SSBP2: variants seen among roughly 807,000 people sequenced by gnomAD.
SSBP2 encodes single-stranded DNA-binding protein 2.
Under a neutral mutation model 61.8 loss-of-function variants are expected in SSBP2, and 17 were observed. The observed-to-expected ratio is 0.28, with a 90% CI of 0.19 to 0.41. The LOEUF (loss-of-function observed/expected upper bound fraction) is 0.41. Among genes scored for constraint, SSBP2 ranks in the 10% least tolerant of loss-of-function variants. SSBP2 has a pLI of 1.00. For synonymous variants in SSBP2, 139 were observed against 141.3 expected, an observed-to-expected ratio of 0.98 and a Z score of 0.12; for missense variants, 310 against 458.7, an observed-to-expected ratio of 0.68 and a Z score of 2.96.
At chr5:81,689,481 C>T (rs984153197) in intron 1 of SSBP2, among the ~76,000 whole-genome samples, 1 of 151,090 alleles carries the variant, frequency 6.6e-6, no homozygotes, top group Non-Finnish European at 1.5e-5. Context: ...AAAAGAGAAA[C>T]AAATAACATA....
intron 4 of SSBP2, among the ~76,000 whole-genome samples, chr5:81,574,333 A>G (rs1182457077): frequency 6.6e-6 from 1 of 152,160 alleles, no homozygotes. Context: ...AACTGAAAAA[A>G]AATAATGGGC....
chr5:81,417,598 G>C lies in SSBP2; in HGVS notation c.*2906C>G, dbSNP rs1761364101. ...GCATTGATAAAGATGGAAAACACAA[G>C]AGAAAAACATTAAATAGTCTTATTA... On this transcript the variant is annotated 3_prime_UTR_variant, in exon 17 of 17. Transcript: ENST00000320672. 1 of 152,068 alleles carries C rather than the reference G, an allele frequency of 6.6e-6. No individual in the cohort carries two copies. The highest frequency in any genetic ancestry group is 6.5e-5 in the Admixed American group (1 of 15,270). The allele number at this position is 152,068 out of a possible 1,614,324, so 9.4% of individuals were successfully genotyped here.
chr5:81,739,736 TAAC>T (rs1195049296), intron 1 of SSBP2, among the ~76,000 whole-genome samples: 3 of 152,192 alleles, frequency 2.0e-5, no homozygotes, highest in Non-Finnish European at 2.9e-5. Context: ...ATAAAATAGT[TAAC>T]AAGTTTTAAA....
At chr5:81,607,658 AT>A (rs955932789) in intron 4 of SSBP2, among the ~76,000 whole-genome samples, 2 of 151,970 alleles carry the variant, frequency 1.3e-5, no homozygotes, top group Admixed American at 6.6e-5. Context: ...AGTCCATTTA[AT>A]TTTTTTTCCT....
At chr5:81,699,259 G>T (rs1275726640) in intron 1 of SSBP2, among the ~76,000 whole-genome samples, 1 of 152,212 alleles carries the variant, frequency 6.6e-6, no homozygotes, top group Non-Finnish European at 1.5e-5. Context: ...GGTGGCTGTG[G>T]CAAATAAGAC....
At chr5:81,624,968 C>T (rs1746991701) in intron 3 of SSBP2, among the ~76,000 whole-genome samples, 1 of 151,996 alleles carries the variant, frequency 6.6e-6, no homozygotes, top group Admixed American at 6.6e-5. Flanking sequence ...GACTATTGGT[C>T]CAAAACTAGT....
rs1032259103 is a variant in SSBP2 at position 81,419,166 on chromosome 5, C to T, written c.*1338G>A. ...AGGGAATTAGATTAAAAAAAATTTACTTATTCTTTTTTGAACAGTCAGTTA... is the reference window on the plus strand; with the variant it reads ...AGGGAATTAGATTAAAAAAAATTTATTTATTCTTTTTTGAACAGTCAGTTA... On this transcript the variant is annotated 3_prime_UTR_variant, in exon 17 of 17. Transcript: ENST00000320672. 3 of 152,202 alleles carry T rather than the reference C, an allele frequency of 2.0e-5. No individual in the cohort carries two copies. Among genetic ancestry groups the T allele is most frequent in the Admixed American group, 2.0e-4 (3 of 15,280 alleles). 9.4% of individuals were successfully genotyped at this position (152,202 alleles called of 1,614,324 possible).
At chr5:81,712,362 A>AG (rs141328482) in intron 1 of SSBP2, among the ~76,000 whole-genome samples, 5 of 49,452 alleles carry the variant, frequency 1.0e-4, no homozygotes, top group South Asian at 1.3e-3. Context: ...TAAAGATTAC[A>AG]AGGCCGAGGC....
At chr5:81,749,758 A>G (rs928718637) in intron 1 of SSBP2, among the ~76,000 whole-genome samples, 4 of 152,160 alleles carry the variant, frequency 2.6e-5, no homozygotes, top group African/African-American at 9.6e-5. Flanking sequence ...CAAGTACACA[A>G]GAATAGCAGC....
At chr5:81,501,844 T>C (rs1242508324) in intron 5 of SSBP2, among the ~76,000 whole-genome samples, 1 of 152,076 alleles carries the variant, frequency 6.6e-6, no homozygotes, top group Non-Finnish European at 1.5e-5. Context: ...ATTACAGACG[T>C]GAGCCACTGC....
Position 81,555,069 on chromosome 5 carries a change from G to A in SSBP2, c.283-41352C>T, listed in dbSNP as rs187552996. On this transcript the variant is annotated intron_variant, in intron 4 of 16. Transcript: ENST00000320672. ...AGTACTTCACTCAATATTGCTTTCTGTAATTTCTGATTATTTTTGACCAAA... is the reference window on the plus strand; with the variant it reads ...AGTACTTCACTCAATATTGCTTTCTATAATTTCTGATTATTTTTGACCAAA... 4.5e-3 allele frequency among the ~76,000 whole-genome samples: 683 copies of A among 152,108 alleles called. 2 individuals carry two copies. Among genetic ancestry groups the A allele is most frequent in the South Asian group, 6.6e-3 (32 of 4,830 alleles).
intron 1 of SSBP2, among the ~76,000 whole-genome samples, chr5:81,661,207 G>A (rs1414189848): frequency 1.3e-5 from 2 of 152,086 alleles, no homozygotes; most frequent in Non-Finnish European, 2.9e-5. Context: ...CTTGTTAAAG[G>A]TTGAATAGTA....
intron 4 of SSBP2, among the ~76,000 whole-genome samples, chr5:81,525,545 GACTTCC>G (rs940506111): frequency 6.6e-6 from 1 of 151,960 alleles, no homozygotes; most frequent in Non-Finnish European, 1.5e-5. Flanking sequence ...TCTGCCACTG[GACTTCC>G]ATTTCCACTG....
intron 1 of SSBP2, among the ~76,000 whole-genome samples, chr5:81,662,589 G>C (rs1159102658): frequency 2.6e-5 from 4 of 152,054 alleles, no homozygotes; most frequent in African/African-American, 9.7e-5. Context: ...GAATCACGAG[G>C]TCAGGAGTTC....
intron 5 of SSBP2, among the ~76,000 whole-genome samples, chr5:81,511,667 G>C (rs1768618752): frequency 1.3e-5 from 2 of 152,152 alleles, no homozygotes. Flanking sequence ...AACTCAGGCA[G>C]ATTTAATGGC....
chr5:81,481,402 A>T (rs1765976204), intron 6 of SSBP2, among the ~76,000 whole-genome samples: 1 of 152,036 alleles, frequency 6.6e-6, no homozygotes, highest in Non-Finnish European at 1.5e-5. Context: ...GGGGTGGATC[A>T]CCTGAGGTCA....
chr5:81,500,593 TG>T (rs1474698532), intron 5 of SSBP2, among the ~76,000 whole-genome samples: 5 of 152,090 alleles, frequency 3.3e-5, no homozygotes, highest in Admixed American at 1.3e-4. Context: ...CCCGAGTAGC[TG>T]GGATTACAGG....
chr5:81,565,638 T>C (rs1773366307), intron 4 of SSBP2, among the ~76,000 whole-genome samples: 1 of 152,188 alleles, frequency 6.6e-6, no homozygotes, highest in South Asian at 2.1e-4. Context: ...CTATACTGTT[T>C]GAATTTGTCT....
chr5:81,684,830 G>A (rs1184577077), intron 1 of SSBP2, among the ~76,000 whole-genome samples: 1 of 152,074 alleles, frequency 6.6e-6, no homozygotes, highest in Non-Finnish European at 1.5e-5. Flanking sequence ...AAGACTTGGG[G>A]GACTATTGAG....
Sources: gnomAD v4.1 joint callset for allele counts (sites outside exome capture counted in the v4.1 genomes callset) on GRCh38, gnomAD v4.1.1 for gene constraint, MANE v1.5 for transcripts, NCBI Gene and HGNC (gene_info 2026-07-23, HGNC 2026-07-21) for gene names.